Variants in CALN1 observed in about 807,000 individuals in gnomAD.
The protein encoded by CALN1 is calneuron 1.
Under a neutral mutation model 30.6 loss-of-function variants are expected in CALN1, and 17 were observed. The observed-to-expected ratio is 0.56, with a 90% CI of 0.38 to 0.83. The LOEUF (loss-of-function observed/expected upper bound fraction) is 0.83. Ranked by LOEUF, CALN1 falls within the 40% of genes least tolerant of loss-of-function variation. The pLI is 0.00. For missense variants in CALN1, 291 were observed against 354.9 expected, an observed-to-expected ratio of 0.82 and a Z score of 1.45; for synonymous variants, 156 against 131.4, an observed-to-expected ratio of 1.19 and a Z score of -1.28.
At chr7:72,009,512 A>G (rs1799951745) in intron 5 of CALN1, among the ~76,000 whole-genome samples, 1 of 152,218 alleles carries the variant, frequency 6.6e-6, no homozygotes. Flanking sequence ...TATAGATTCA[A>G]AGGCCATTTG....
At chr7:71,986,818 A>C (rs1327787764) in intron 5 of CALN1, among the ~76,000 whole-genome samples, 1 of 152,124 alleles carries the variant, frequency 6.6e-6, no homozygotes, top group Non-Finnish European at 1.5e-5. Flanking sequence ...TGTAGGAGTA[A>C]AATATTTAGT....
intron 5 of CALN1, among the ~76,000 whole-genome samples, chr7:71,837,250 A>AG (rs1405601724): frequency 1.4e-5 from 2 of 143,602 alleles, no homozygotes; most frequent in Admixed American, 1.4e-4. Flanking sequence ...AGACAAAAAA[A>AG]AAAAAAAAAA....
intron 3 of CALN1, among the ~76,000 whole-genome samples, chr7:72,107,282 T>C (rs1807242312): frequency 6.6e-6 from 1 of 152,244 alleles, no homozygotes. Flanking sequence ...CTGTAGGAGC[T>C]GTGCAGAAAG....
the CALN1 span, among the ~76,000 whole-genome samples, chr7:72,487,730 A>AAGGAAGG: frequency 4.4e-5 from 3 of 68,908 alleles, no homozygotes; most frequent in East Asian, 1.6e-3. Context: ...AGAAAGAAAG[A>AAGGAAGG]AAGAAAGGAA....
At chr7:71,796,484 C>A (rs989898065) in intron 6 of CALN1, among the ~76,000 whole-genome samples, 1 of 151,626 alleles carries the variant, frequency 6.6e-6, no homozygotes, top group East Asian at 2.0e-4. Flanking sequence ...CTCAGCCTCC[C>A]GAGTAGCTAA....
intron 3 of CALN1, among the ~76,000 whole-genome samples, chr7:72,235,778 T>G (rs1794438095): frequency 6.8e-6 from 1 of 147,662 alleles, no homozygotes. Flanking sequence ...CCCTTGGCCA[T>G]GTAGCCCTGG....
Position 71,818,720 on chromosome 7 carries a change from ATTTT to A in CALN1, c.502-8232_502-8229del, listed in dbSNP as rs1554345386. 5.4e-3 allele frequency among the ~76,000 whole-genome samples: 420 copies of A among 77,598 alleles called. 3 individuals carry two copies. Among genetic ancestry groups the A allele is most frequent in the African/African-American group, 0.017 (375 of 21,774 alleles). The allele number at this position is 77,598 out of a possible 152,430, so 50.9% of individuals were successfully genotyped here. ...TATTTATTTATTTATTTATTTATTT[ATTTT>A]TTTGAGCTGGAGTCTCACTCTGTCA... On this transcript the variant is annotated intron_variant, in intron 5 of 6. Coordinates refer to ENST00000395275, the MANE Select transcript of CALN1 (RefSeq NM_031468.4).
At chr7:72,262,137 T>C (rs542538086) in intron 3 of CALN1, among the ~76,000 whole-genome samples, 7 of 152,280 alleles carry the variant, frequency 4.6e-5, no homozygotes, top group Admixed American at 4.6e-4. Flanking sequence ...CGGCCTTGCT[T>C]TCAGCCTCCC....
chr7:72,396,702 G>T (rs1161658026), intron 2 of CALN1, among the ~76,000 whole-genome samples: 1 of 152,114 alleles, frequency 6.6e-6, no homozygotes, highest in Non-Finnish European at 1.5e-5. Context: ...AGTTGAAGAT[G>T]TTTCTGCCTG....
At chr7:72,076,327 G>A (rs777663646) in intron 4 of CALN1, among the ~76,000 whole-genome samples, 7 of 151,082 alleles carry the variant, frequency 4.6e-5, no homozygotes, top group African/African-American at 1.2e-4. Flanking sequence ...GGCCAGGTGC[G>A]GTGGCTCACT....
At chr7:71,966,188 AC>A (rs1797522230) in intron 5 of CALN1, among the ~76,000 whole-genome samples, 3 of 152,202 alleles carry the variant, frequency 2.0e-5, no homozygotes, top group African/African-American at 4.8e-5. Context: ...CAACTCTGTC[AC>A]CATAAAGCAA....
intron 1 of CALN1, among the ~76,000 whole-genome samples, chr7:72,405,175 A>C (rs1806616009): frequency 6.6e-6 from 1 of 152,156 alleles, no homozygotes; most frequent in East Asian, 1.9e-4. Context: ...AAGGGTTGGG[A>C]TCTCAAAGAC....
At chr7:72,066,787 A>ATT (rs200658441) in intron 4 of CALN1, among the ~76,000 whole-genome samples, 70 of 142,174 alleles carry the variant, frequency 4.9e-4, no homozygotes, top group African/African-American at 1.3e-3. Flanking sequence ...ATTTTATTTT[A>ATT]TTTTTTTTTT....
chr7:72,422,094 T>C (rs1807631430), intron 1 of CALN1, among the ~76,000 whole-genome samples: 1 of 152,218 alleles, frequency 6.6e-6, no homozygotes, highest in Admixed American at 6.5e-5. Flanking sequence ...AACATACATC[T>C]GCAAGTGTCT....
intron 2 of CALN1, among the ~76,000 whole-genome samples, chr7:72,399,907 G>C (rs1360804652): frequency 6.6e-6 from 1 of 152,096 alleles, no homozygotes; most frequent in African/African-American, 2.4e-5. Context: ...ATTAGTTCAT[G>C]CAAGAGCTAG....
intron 2 of CALN1, among the ~76,000 whole-genome samples, chr7:72,398,266 T>C (rs1000641071): frequency 6.6e-6 from 1 of 152,164 alleles, no homozygotes; most frequent in African/African-American, 2.4e-5. Context: ...CAGGTCTTGT[T>C]TATGTGTAGA....
chr7:72,218,292 CA>C (rs1282515154), intron 3 of CALN1, among the ~76,000 whole-genome samples: 11 of 151,646 alleles, frequency 7.3e-5, no homozygotes, highest in Admixed American at 7.2e-4. Flanking sequence ...ACTAAAAATA[CA>C]AAAAATTATC....
At chr7:72,187,915 A>G (rs553253674) in intron 3 of CALN1, among the ~76,000 whole-genome samples, 2 of 151,362 alleles carry the variant, frequency 1.3e-5, no homozygotes, top group East Asian at 3.9e-4. Flanking sequence ...TCAAAACCAC[A>G]ATGTAATACC....
chr7:72,017,445 G>GC (rs1299181497), intron 5 of CALN1, among the ~76,000 whole-genome samples: 1 of 152,144 alleles, frequency 6.6e-6, no homozygotes, highest in Non-Finnish European at 1.5e-5. Flanking sequence ...CCAAATTGGG[G>GC]AACGAGTACC....
Sources: gnomAD v4.1 joint callset for allele counts (sites outside exome capture counted in the v4.1 genomes callset) on GRCh38, gnomAD v4.1.1 for gene constraint, MANE v1.5 for transcripts, NCBI Gene and HGNC (gene_info 2026-07-23, HGNC 2026-07-21) for gene names.